Variants in GPC6 observed in about 807,000 individuals in gnomAD.
The protein encoded by GPC6 is glypican 6, also known as glypican-6.
Under a neutral mutation model 55.2 loss-of-function variants are expected in GPC6, and 14 were observed. The ratio of observed to expected loss-of-function variants is 0.25; its 90% confidence interval spans 0.17 to 0.40. The LOEUF (loss-of-function observed/expected upper bound fraction) is 0.40. Ranked by LOEUF, GPC6 falls within the 10% of genes least tolerant of loss-of-function variation. The pLI, the probability that GPC6 is intolerant of heterozygous loss-of-function variation, is 1.00. For synonymous variants in GPC6, 278 were observed against 259.6 expected (o/e 1.07, Z -0.68); for missense variants, 641 against 708.5 (o/e 0.90, Z 1.08).
intron 1 of GPC6, among the ~76,000 whole-genome samples, chr13:93,369,866 A>G (rs1881389400): frequency 6.6e-6 from 1 of 152,170 alleles, no homozygotes; most frequent in Non-Finnish European, 1.5e-5. Flanking sequence ...ATCTATCAAG[A>G]CAGTGTATTT....
intron 4 of GPC6, among the ~76,000 whole-genome samples, chr13:94,073,326 A>G (rs553986165): frequency 1.7e-4 from 26 of 152,218 alleles, no homozygotes; most frequent in Non-Finnish European, 3.5e-4. Flanking sequence ...CTTCTTTTGT[A>G]AAAAATGGTT....
chr13:93,292,303 G>C (rs578172662), intron 1 of GPC6, among the ~76,000 whole-genome samples: 3 of 152,266 alleles, frequency 2.0e-5, no homozygotes, highest in East Asian at 1.9e-4. Context: ...ATACTTTTAG[G>C]AAGATTCATG....
intron 4 of GPC6, among the ~76,000 whole-genome samples, chr13:94,101,015 G>T (rs1433839481): frequency 1.3e-5 from 2 of 152,190 alleles, no homozygotes; most frequent in Non-Finnish European, 2.9e-5. Flanking sequence ...ATTGCGTCAG[G>T]CAAACTGGTT....
In GPC6 at chr13:93,917,105, C is replaced by T. The variant is rs570298275; in HGVS notation, c.711+86560C>T. Among the ~76,000 whole-genome samples the T allele has an allele frequency of 5.9e-5, 9 of 152,244 alleles. No homozygotes were observed. In the South Asian group the frequency reaches 1.9e-3, roughly 32 times the overall value. On this transcript the variant is annotated intron_variant, in intron 3 of 8. Coordinates refer to ENST00000377047, the MANE Select transcript of GPC6 (RefSeq NM_005708.5). ...GTTTGACATGAGAAATGCTTTATTT[C>T]CAGCTCAGAGGACTCTTTTTGGTCA...
chr13:94,198,527 T>G (rs1017389849), intron 4 of GPC6, among the ~76,000 whole-genome samples: 2 of 152,208 alleles, frequency 1.3e-5, no homozygotes, highest in Non-Finnish European at 2.9e-5. Flanking sequence ...TGTAAGATTA[T>G]GAACCAGCCT....
chr13:93,704,538 A>G (rs1040070265), intron 2 of GPC6, among the ~76,000 whole-genome samples: 1 of 151,946 alleles, frequency 6.6e-6, no homozygotes, highest in Non-Finnish European at 1.5e-5. Flanking sequence ...GCATTATTTA[A>G]AAAAGAATTA....
intron 1 of GPC6, among the ~76,000 whole-genome samples, chr13:93,489,382 T>G (rs1324520790): frequency 6.6e-6 from 1 of 151,602 alleles, no homozygotes; most frequent in Admixed American, 6.5e-5. Flanking sequence ...AGCCTTGTAG[T>G]ATAGTTTAAA....
chr13:93,336,924 A>G (rs1032361508), intron 1 of GPC6, among the ~76,000 whole-genome samples: 1 of 152,186 alleles, frequency 6.6e-6, no homozygotes, highest in Non-Finnish European at 1.5e-5. Context: ...CTGCCATAAA[A>G]TGTTCAAGCT....
At chr13:93,518,135 C>T (rs1881273215) in intron 1 of GPC6, among the ~76,000 whole-genome samples, 1 of 151,892 alleles carries the variant, frequency 6.6e-6, no homozygotes, top group South Asian at 2.1e-4. Flanking sequence ...AAAGGAGCCT[C>T]AGAGCACAGG....
chr13:93,972,169 C>T (rs1373586438), intron 3 of GPC6, among the ~76,000 whole-genome samples: 1 of 152,146 alleles, frequency 6.6e-6, no homozygotes, highest in Non-Finnish European at 1.5e-5. Flanking sequence ...GGTAAACACT[C>T]CCCAAGCACA....
intron 4 of GPC6, among the ~76,000 whole-genome samples, chr13:94,271,366 ACGCGCGCGCGCG>A (rs35593846): frequency 1.5e-5 from 2 of 131,308 alleles, no homozygotes; most frequent in Non-Finnish European, 3.4e-5. Flanking sequence ...ACACACACAC[ACGCGCGCGCGCG>A]CGCGCACACA....
At chr13:94,191,182 T>C (rs1889381729) in intron 4 of GPC6, among the ~76,000 whole-genome samples, 1 of 152,218 alleles carries the variant, frequency 6.6e-6, no homozygotes, top group Admixed American at 6.5e-5. Context: ...TCTCTCATTA[T>C]TTATACATAT....
chr13:93,516,976 A>G (rs1227303344), intron 1 of GPC6, among the ~76,000 whole-genome samples: 1 of 152,140 alleles, frequency 6.6e-6, no homozygotes. Context: ...CTTTGAATAC[A>G]TGTTCTATGC....
chr13:93,392,124 T>C (rs1475155287), intron 1 of GPC6, among the ~76,000 whole-genome samples: 1 of 152,194 alleles, frequency 6.6e-6, no homozygotes, highest in Admixed American at 6.5e-5. Flanking sequence ...GTCTCAAATA[T>C]CCTTTTCTCT....
intron 2 of GPC6, among the ~76,000 whole-genome samples, chr13:93,622,908 C>T (rs7995122): frequency 0.42 from 63,737 of 152,058 alleles, 14,977 homozygotes; most frequent in Middle Eastern, 0.61. Context: ...CCCCATTCCC[C>T]ACTTCCTCCT....
chr13:93,385,216 C>T (rs958819854), intron 1 of GPC6, among the ~76,000 whole-genome samples: 1 of 152,166 alleles, frequency 6.6e-6, no homozygotes, highest in African/African-American at 2.4e-5. Context: ...CCGAGGTGGG[C>T]ATGATCCAGA....
Position 93,322,064 on chromosome 13 carries a change from G to A in GPC6, c.160+94448G>A, listed in dbSNP as rs116356983. Among the ~76,000 whole-genome samples the A allele has an allele frequency of 4.6e-3, 705 of 152,180 alleles. 4 individuals are homozygous for A. The highest frequency in any genetic ancestry group is 0.016 in the African/African-American group (660 of 41,524). On this transcript the variant is annotated intron_variant, in intron 1 of 8. Transcript: ENST00000377047. ...ATTAATTTATACAATTGTATAAAAAGACACATAAAATACATGCCCCAAATT... is the reference window on the plus strand; with the variant it reads ...ATTAATTTATACAATTGTATAAAAAAACACATAAAATACATGCCCCAAATT...
intron 3 of GPC6, among the ~76,000 whole-genome samples, chr13:93,911,740 A>G (rs1439676828): frequency 6.6e-6 from 1 of 152,228 alleles, no homozygotes; most frequent in Admixed American, 6.5e-5. Flanking sequence ...AATGGAAGTG[A>G]TAATGTGTAT....
intron 4 of GPC6, chr13:94,186,772 G>A (rs1889204473): frequency 6.6e-6 from 1 of 152,194 alleles, no homozygotes; most frequent in South Asian, 2.1e-4. Flanking sequence ...CTTTGAGCAA[G>A]CTTTGGAAGA....
Sources: allele counts gnomAD v4.1 joint callset (sites outside exome capture counted in the v4.1 genomes callset), GRCh38; gene constraint gnomAD v4.1.1; transcripts MANE v1.5; gene names NCBI Gene and HGNC (gene_info 2026-07-23, HGNC 2026-07-21).